ADAMTS3: variants seen among roughly 807,000 people sequenced by gnomAD.
ADAMTS3 encodes A disintegrin and metalloproteinase with thrombospondin motifs 3.
ADAMTS3 carries 73 observed loss-of-function variants against 129.0 expected under a neutral mutation model. The ratio of observed to expected loss-of-function variants is 0.57; its 90% CI spans 0.47 to 0.69. The LOEUF is 0.69. Ranked by LOEUF, ADAMTS3 falls within the 30% of genes least tolerant of loss-of-function variation. The pLI is 0.00. For missense variants in ADAMTS3, 1,457 were observed against 1,514.5 expected (o/e 0.96, Z 0.63); for synonymous variants, 477 against 510.8 (o/e 0.93, Z 0.89).
intron 3 of ADAMTS3, among the ~76,000 whole-genome samples, chr4:72,521,796 CAGTT>C (rs1280334280): frequency 6.6e-6 from 1 of 152,216 alleles, no homozygotes; most frequent in African/African-American, 2.4e-5. Context: ...TAATAAAGAG[CAGTT>C]ACCAGGAAAA....
chr4:72,540,301 G>C (rs1004450616), intron 3 of ADAMTS3, among the ~76,000 whole-genome samples: 2 of 152,298 alleles, frequency 1.3e-5, no homozygotes, highest in Admixed American at 6.5e-5. Context: ...CTTTGAACTT[G>C]AGAGAGATGA....
intron 11 of ADAMTS3, among the ~76,000 whole-genome samples, chr4:72,314,620 GT>G (rs1719340665): frequency 6.6e-6 from 1 of 152,118 alleles, no homozygotes; most frequent in Non-Finnish European, 1.5e-5. Context: ...ATTTAAGAAA[GT>G]TGAATGTTAA....
intron 4 of ADAMTS3, among the ~76,000 whole-genome samples, chr4:72,360,517 G>A (rs1720693778): frequency 6.7e-6 from 1 of 149,922 alleles, no homozygotes; most frequent in Non-Finnish European, 1.5e-5. Context: ...CTTTTTATGA[G>A]AGACTAAGTA....
chr4:72,472,634 G>A (rs546318047), intron 3 of ADAMTS3, among the ~76,000 whole-genome samples: 1 of 152,030 alleles, frequency 6.6e-6, no homozygotes, highest in Non-Finnish European at 1.5e-5. Context: ...CTGTTCAAGA[G>A]AAATATTCCT....
intron 3 of ADAMTS3, among the ~76,000 whole-genome samples, chr4:72,418,670 A>C (rs2109931000): frequency 6.6e-6 from 1 of 152,350 alleles, no homozygotes; most frequent in South Asian, 2.1e-4. Flanking sequence ...GCCAGCTGCA[A>C]AGAGGGCCAG....
rs1350067733 is a variant in ADAMTS3 at position 72,313,783 on chromosome 4, G to GATT, written c.1636_1638dup (p.Asn546dup). 13 of 1,613,602 alleles carry GATT rather than the reference G, an allele frequency of 8.1e-6. No individual in the cohort carries two copies. Among genetic ancestry groups the GATT allele is most frequent in the Non-Finnish European group, 1.1e-5 (13 of 1,179,834 alleles). On this transcript the variant is annotated inframe_insertion, in exon 12 of 22. Transcript: ENST00000286657. ...CCCCAATTGCCATCTTGTTTTTGCT[G>GATT]ATTAGCATTCTTCCACATGCAATGA...
At chr4:72,374,289 C>CTT (rs1299210763) in intron 4 of ADAMTS3, among the ~76,000 whole-genome samples, 4 of 140,710 alleles carry the variant, frequency 2.8e-5, no homozygotes, top group African/African-American at 1.0e-4. Flanking sequence ...GGAGTAACTC[C>CTT]TTTTTTTTTT....
intron 3 of ADAMTS3, among the ~76,000 whole-genome samples, chr4:72,467,314 G>A (rs956300657): frequency 4.6e-5 from 7 of 151,980 alleles, no homozygotes; most frequent in African/African-American, 1.7e-4. Flanking sequence ...TTACTCTACA[G>A]CCTTGTCTCA....
intron 4 of ADAMTS3, among the ~76,000 whole-genome samples, chr4:72,384,354 C>T (rs758106440): frequency 6.6e-6 from 1 of 152,120 alleles, no homozygotes; most frequent in Non-Finnish European, 1.5e-5. Flanking sequence ...TAAAACCACA[C>T]ATGGGCAGTT....
chr4:72,516,077 C>T (rs1443685059), intron 3 of ADAMTS3, among the ~76,000 whole-genome samples: 1 of 152,098 alleles, frequency 6.6e-6, no homozygotes, highest in Admixed American at 6.5e-5. Flanking sequence ...TTCCCAGCAC[C>T]ATTTATTAAA....
intron 3 of ADAMTS3, among the ~76,000 whole-genome samples, chr4:72,455,430 C>T (rs540571495): frequency 1.3e-4 from 19 of 151,384 alleles, no homozygotes; most frequent in Non-Finnish European, 2.4e-4. Flanking sequence ...ACAATGAGAA[C>T]ATATGGACAC....
chr4:72,514,508 T>G (rs1720402565), intron 3 of ADAMTS3, among the ~76,000 whole-genome samples: 1 of 152,128 alleles, frequency 6.6e-6, no homozygotes, highest in Non-Finnish European at 1.5e-5. Flanking sequence ...TGAGGAAAAC[T>G]CTCTCGCAGA....
intron 3 of ADAMTS3, among the ~76,000 whole-genome samples, chr4:72,479,705 A>G (rs1180973790): frequency 6.6e-6 from 1 of 152,192 alleles, no homozygotes; most frequent in African/African-American, 2.4e-5. Flanking sequence ...GGATCTCATT[A>G]AACTAAAGAG....
intron 10 of ADAMTS3, among the ~76,000 whole-genome samples, chr4:72,317,634 TC>T (rs1719433768): frequency 1.3e-5 from 2 of 152,176 alleles, no homozygotes; most frequent in Non-Finnish European, 2.9e-5. Flanking sequence ...TCAAATTTAA[TC>T]CTCACACCAA....
chr4:72,319,601 C>T (rs1456536489), intron 8 of ADAMTS3, 126 bp from the exon 9 acceptor site: 8 of 1,181,358 alleles, frequency 6.8e-6, no homozygotes, highest in Non-Finnish European at 9.4e-6. Flanking sequence ...GAAGAAGTCA[C>T]AGAAACGGAA....
chr4:72,283,524 C>T lies in ADAMTS3; in HGVS notation c.3230G>A (p.Ser1077Asn), dbSNP rs757511131. The T allele has an allele frequency of 6.2e-7, 1 of 1,614,008 alleles. No homozygotes were observed. The highest frequency in any genetic ancestry group is 8.5e-7 in the Non-Finnish European group (1 of 1,179,950). ...ETHDDVISNP[S>N]DLPRSLVMPT... ...CATCACTAGAGATCTAGGGAGGTCA[C>T]TAGGGTTAGAGATGACATCATCATG... The change falls in exon 22 of 22, where the codon AGT becomes AAT. Residue 1077 changes from serine (S) to asparagine (N), a missense_variant. Transcript: ENST00000286657.
At chr4:72,559,704 T>G (rs1721853751) in intron 2 of ADAMTS3, among the ~76,000 whole-genome samples, 1 of 151,966 alleles carries the variant, frequency 6.6e-6, no homozygotes, top group South Asian at 2.1e-4. Flanking sequence ...TCTATCTTGT[T>G]TACAGCGTAG....
At chr4:72,523,295 G>C (rs558449278) in intron 3 of ADAMTS3, among the ~76,000 whole-genome samples, 3 of 151,958 alleles carry the variant, frequency 2.0e-5, no homozygotes, top group African/African-American at 7.2e-5. Flanking sequence ...ATATCTCTTT[G>C]TTTATTTCTG....
intron 3 of ADAMTS3, among the ~76,000 whole-genome samples, chr4:72,541,651 T>A (rs1721327295): frequency 6.6e-6 from 1 of 152,134 alleles, no homozygotes; most frequent in Non-Finnish European, 1.5e-5. Flanking sequence ...GGGGTGCGTT[T>A]TTCCCATGCT....
Sources: gnomAD v4.1 joint callset for allele counts (sites outside exome capture counted in the v4.1 genomes callset) on GRCh38, gnomAD v4.1.1 for gene constraint, MANE v1.5 for transcripts, NCBI Gene and HGNC (gene_info 2026-07-23, HGNC 2026-07-21) for gene names.